The following ZNF569 variants were observed in gnomAD, a reference collection of about 807,000 sequenced individuals.
The protein encoded by ZNF569 is zinc finger protein 569, also known as DNA-binding protein.
Under a neutral mutation model 56.3 loss-of-function variants are expected in ZNF569, and 38 were observed. The observed-to-expected ratio is 0.68, with a 90% confidence interval of 0.52 to 0.88. The LOEUF is 0.88. ZNF569 is among the 40% of genes least tolerant of loss of function. The pLI is 0.00. For missense variants in ZNF569, 666 were observed against 809.2 expected, an observed-to-expected ratio of 0.82 and a Z score of 2.15; for synonymous variants, 241 against 262.9, an observed-to-expected ratio of 0.92 and a Z score of 0.81.
At chr19:37,467,507 C>T, upstream of ZNF569, 1 of 249,514 alleles carries the variant, frequency 4.0e-6, no homozygotes, top group Non-Finnish European at 7.6e-6. Context: ...TGCAAAAAGG[C>T]ACTTCCTTCT....
intron 2 of ZNF569, among the ~76,000 whole-genome samples, chr19:37,452,031 G>C (rs1053311118): frequency 6.6e-6 from 1 of 151,974 alleles, no homozygotes; most frequent in Non-Finnish European, 1.5e-5. Flanking sequence ...TTTGTGTTTT[G>C]TTAGTTTTTT....
chr19:37,463,768 T>C (rs962607700), intron 2 of ZNF569, among the ~76,000 whole-genome samples: 6 of 152,112 alleles, frequency 3.9e-5, no homozygotes, highest in Non-Finnish European at 8.8e-5. Flanking sequence ...TGGAACAAGA[T>C]GTGAAGGTGG....
At chr19:37,422,418 C>T (rs996954783) in intron 5 of ZNF569, among the ~76,000 whole-genome samples, 1 of 152,086 alleles carries the variant, frequency 6.6e-6, no homozygotes, top group African/African-American at 2.4e-5. Context: ...ACAATGACAA[C>T]AGTAACATCA....
rs879330922 is a variant in ZNF569 at position 37,465,657 on chromosome 19, G to A, written c.-204-184C>T. Among the ~76,000 whole-genome samples the A allele has an allele frequency of 1.2e-4, 18 of 152,122 alleles. 1 individual carries two copies. Among genetic ancestry groups the A allele is most frequent in the Admixed American group, 1.1e-3 (17 of 15,272 alleles). On this transcript the variant is annotated intron_variant, in intron 1 of 5. Coordinates refer to ENST00000316950, the MANE Select transcript of ZNF569 (RefSeq NM_152484.3). ...TCCATTGTTATCAACAGTGTATGAG[G>A]ATATAAGCAGTCTTATACTATGCCA... is the stretch of plus-strand genomic sequence containing the variant.
chr19:37,448,144 T>C lies in ZNF569; in HGVS notation c.-43-3180A>G, dbSNP rs531024127. On this transcript the variant is annotated intron_variant, in intron 2 of 5. Coordinates refer to ENST00000316950, the MANE Select transcript of ZNF569 (RefSeq NM_152484.3). ...CTTCTATATTCTGGAAAAGTTTGTA[T>C]AGAATCATTAGAATTTCTTCCGTAG... 4.6e-5 allele frequency among the ~76,000 whole-genome samples: 7 copies of C among 152,310 alleles called. No homozygotes were observed. In the East Asian group the frequency reaches 1.2e-3, roughly 25 times the overall value.
chr19:37,453,173 C>T (rs2041621742), intron 2 of ZNF569, among the ~76,000 whole-genome samples: 1 of 152,118 alleles, frequency 6.6e-6, no homozygotes, highest in Admixed American at 6.5e-5. Flanking sequence ...ACAAACCAAC[C>T]CCTTCTCTCC....
chr19:37,416,573 C>T (rs887258115), intron 5 of ZNF569, among the ~76,000 whole-genome samples: 1 of 151,980 alleles, frequency 6.6e-6, no homozygotes, highest in African/African-American at 2.4e-5. Flanking sequence ...AAATAATCTC[C>T]AGATTACTTA....
At chr19:37,435,181 G>A (rs1049602352) in intron 3 of ZNF569, among the ~76,000 whole-genome samples, 6 of 151,858 alleles carry the variant, frequency 4.0e-5, no homozygotes, top group Non-Finnish European at 7.4e-5. Context: ...AAAAGCAGGG[G>A]GACAAAGTTA....
chr19:37,431,904 T>C (rs933800329), intron 3 of ZNF569, among the ~76,000 whole-genome samples: 1 of 152,128 alleles, frequency 6.6e-6, no homozygotes. Context: ...ATACTTGCCA[T>C]GGGCCTGGGT....
upstream of ZNF569, chr19:37,469,242 C>T: frequency 5.8e-6 from 8 of 1,376,726 alleles, no homozygotes; most frequent in Non-Finnish European, 7.5e-6. Flanking sequence ...ACCGCTGCTG[C>T]CAGACACTGC....
intron 2 of ZNF569, among the ~76,000 whole-genome samples, chr19:37,452,991 CTT>C (rs2041619114): frequency 6.6e-6 from 1 of 152,092 alleles, no homozygotes; most frequent in Non-Finnish European, 1.5e-5. Flanking sequence ...CTTCTTCACT[CTT>C]TTTCATTATT....
chr19:37,421,377 G>A (rs1047960394), intron 5 of ZNF569, among the ~76,000 whole-genome samples: 4 of 152,140 alleles, frequency 2.6e-5, no homozygotes, highest in Non-Finnish European at 5.9e-5. Context: ...CATCTACATC[G>A]GAACGCTATT....
At chr19:37,450,552 GT>G (rs1219309270) in intron 2 of ZNF569, among the ~76,000 whole-genome samples, 1 of 151,750 alleles carries the variant, frequency 6.6e-6, no homozygotes, top group Non-Finnish European at 1.5e-5. Context: ...TTTTTTCATA[GT>G]TTAGCTAACG....
chr19:37,446,538 C>T (rs542497498), intron 2 of ZNF569, among the ~76,000 whole-genome samples: 15 of 129,216 alleles, frequency 1.2e-4, no homozygotes, highest in Non-Finnish European at 1.9e-4. Flanking sequence ...CAACAGAGCG[C>T]GACTCCATCT....
At position 37,415,599 on chromosome 19, in the gene ZNF569, G is replaced by A. The variant is rs965368611; in HGVS notation, c.239-1180C>T. Among the ~76,000 whole-genome samples, 22 of 151,954 alleles carry A rather than the reference G, an allele frequency of 1.4e-4. 1 individual carries two copies. Among genetic ancestry groups the A allele is most frequent in the Non-Finnish European group, 4.4e-5 (3 of 67,972 alleles). On this transcript the variant is annotated intron_variant, in intron 5 of 5. Coordinates refer to ENST00000316950, the MANE Select transcript of ZNF569 (RefSeq NM_152484.3). ...GTATGAAAATTAAGAGGCCGGGCGCGGTGGCTCATGCCTATAATCCCAGCA... is the reference window on the plus strand; with the variant it reads ...GTATGAAAATTAAGAGGCCGGGCGCAGTGGCTCATGCCTATAATCCCAGCA...
intron 2 of ZNF569, among the ~76,000 whole-genome samples, chr19:37,447,157 G>C (rs1372073292): frequency 6.6e-6 from 1 of 152,172 alleles, no homozygotes; most frequent in Non-Finnish European, 1.5e-5. Context: ...ATGTAAACTA[G>C]TACAACCACT....
At chr19:37,468,041 C>A, upstream of ZNF569, 1 of 979,238 alleles carries the variant, frequency 1.0e-6, no homozygotes, top group Non-Finnish European at 1.5e-6. Flanking sequence ...TCATCTCAGA[C>A]TAGGTACTTA....
intron 5 of ZNF569, among the ~76,000 whole-genome samples, chr19:37,416,246 CAAACAAAAAAACAAAA>C (rs1171577907): frequency 1.2e-4 from 15 of 130,236 alleles, no homozygotes; most frequent in Non-Finnish European, 2.0e-4. Context: ...ACAAAACAAA[CAAACAAAAAAACAAAA>C]AAACAAAAAA....
chr19:37,439,597 G>A (rs2041370405), intron 3 of ZNF569, among the ~76,000 whole-genome samples: 1 of 152,184 alleles, frequency 6.6e-6, no homozygotes, highest in African/African-American at 2.4e-5. Flanking sequence ...AGAGATATCT[G>A]TACTCCCTTA....
Sources: allele counts gnomAD v4.1 joint callset (sites outside exome capture counted in the v4.1 genomes callset), GRCh38; gene constraint gnomAD v4.1.1; transcripts MANE v1.5; gene names NCBI Gene and HGNC (gene_info 2026-07-23, HGNC 2026-07-21).